The following CUL1 variants were observed in gnomAD, a reference collection of about 807,000 sequenced individuals.
The protein encoded by CUL1 is cullin-1.
A neutral mutation model predicts 118.0 loss-of-function variants in CUL1; 24 were observed. That is an observed-to-expected ratio of 0.20 (90% CI 0.15 to 0.29). The LOEUF is 0.29. Among genes scored for constraint, CUL1 ranks in the 10% least tolerant of loss-of-function variants. CUL1 has a pLI of 1.00. For missense variants in CUL1, 361 were observed against 933.8 expected (o/e 0.39, Z 7.99); for synonymous variants, 332 against 340.4 (o/e 0.98, Z 0.27).
upstream of CUL1, chr7:148,698,306 G>A (rs1797586647): frequency 1.3e-5 from 2 of 152,584 alleles, no homozygotes; most frequent in Non-Finnish European, 2.9e-5. Context: ...GTGCGCACAA[G>A]GGAGGGGCAG....
In CUL1 at chr7:148,759,369, G is replaced by A; in HGVS notation, c.534+15G>A. The stretch of plus-strand genomic sequence containing the variant: ...TGAATAAACAGGTACCTACTGGTGT[G>A]AGCGTGTGCATGTTCCTTTTAAAAT... On this transcript the variant is annotated intron_variant, in intron 5 of 21. Coordinates refer to ENST00000325222, the MANE Select transcript of CUL1 (RefSeq NM_003592.3). 4 of 1,613,516 alleles carry A rather than the reference G, an allele frequency of 2.5e-6. No individual in the cohort carries two copies. Among genetic ancestry groups the A allele is most frequent in the Non-Finnish European group, 3.4e-6 (4 of 1,179,546 alleles).
chr7:148,756,930 A>G (rs1799678470), intron 3 of CUL1, 53 bp from the exon 4 acceptor site: 1 of 1,298,270 alleles, frequency 7.7e-7, no homozygotes, highest in Non-Finnish European at 1.0e-6. Context: ...GTTATTTTTA[A>G]TTTATAATGT....
chr7:148,703,349 T>C (rs1004288730), intron 1 of CUL1, among the ~76,000 whole-genome samples: 4 of 152,174 alleles, frequency 2.6e-5, no homozygotes, highest in Admixed American at 1.3e-4. Context: ...TTGGGTGTGA[T>C]GTTATGACTC....
upstream of CUL1, chr7:148,698,280 C>T (rs1414071951): frequency 6.6e-6 from 1 of 152,218 alleles, no homozygotes; most frequent in Non-Finnish European, 1.5e-5. Flanking sequence ...AGGTTCCAGG[C>T]AAGCTGGGGG....
intron 2 of CUL1, among the ~76,000 whole-genome samples, chr7:148,746,846 G>T (rs1432642200): frequency 2.0e-5 from 3 of 152,194 alleles, no homozygotes. Flanking sequence ...TAGCTGAAAT[G>T]TGATAAATAT....
intron 1 of CUL1, among the ~76,000 whole-genome samples, chr7:148,705,944 A>G (rs1797866850): frequency 6.6e-6 from 1 of 152,202 alleles, no homozygotes; most frequent in East Asian, 1.9e-4. Context: ...GTCTAGGTTG[A>G]GCATCCCTAA....
Position 148,730,106 on chromosome 7 carries a change from T to C in CUL1, c.-17T>C. 1 of 1,610,842 alleles carries C rather than the reference T, an allele frequency of 6.2e-7. No individual in the cohort carries two copies. Among genetic ancestry groups the C allele is most frequent in the Non-Finnish European group, 8.5e-7 (1 of 1,178,674 alleles). ...ATAAGGATTGCTGCACTGGACGACT[T>C]TAGAACATCCCTCACAATGTCGTCA... On this transcript the variant is annotated 5_prime_UTR_variant, in exon 2 of 22. Coordinates refer to ENST00000325222, the MANE Select transcript of CUL1 (RefSeq NM_003592.3).
intron 1 of CUL1, among the ~76,000 whole-genome samples, chr7:148,701,083 T>G (rs1268579104): frequency 6.6e-6 from 1 of 152,160 alleles, no homozygotes; most frequent in Non-Finnish European, 1.5e-5. Context: ...GCAGGAGATA[T>G]TCCTTATTTG....
At chr7:148,726,996 A>C (rs1470299477) in intron 1 of CUL1, among the ~76,000 whole-genome samples, 1 of 152,110 alleles carries the variant, frequency 6.6e-6, no homozygotes, top group African/African-American at 2.4e-5. Flanking sequence ...TGGGCAACAG[A>C]GTGATACCCT....
chr7:148,764,185 G>C (rs770485580), intron 7 of CUL1, among the ~76,000 whole-genome samples: 1 of 152,040 alleles, frequency 6.6e-6, no homozygotes, highest in Non-Finnish European at 1.5e-5. Flanking sequence ...ACTGAGAACC[G>C]ATCCTAGTGA....
intron 9 of CUL1, among the ~76,000 whole-genome samples, chr7:148,777,201 T>G (rs556408338): frequency 6.6e-6 from 1 of 152,210 alleles, no homozygotes; most frequent in Non-Finnish European, 1.5e-5. Context: ...CACACAGTTA[T>G]GGTGCTGGGA....
At chr7:148,782,875 G>T (rs1217983397) in intron 9 of CUL1, among the ~76,000 whole-genome samples, 1 of 152,154 alleles carries the variant, frequency 6.6e-6, no homozygotes, top group Non-Finnish European at 1.5e-5. Flanking sequence ...TTGGCTGGGG[G>T]TGACCCGGAG....
At chr7:148,775,916 A>G (rs983602717) in intron 9 of CUL1, among the ~76,000 whole-genome samples, 11 of 152,002 alleles carry the variant, frequency 7.2e-5, no homozygotes, top group Non-Finnish European at 1.5e-4. Context: ...AAGTACCTTG[A>G]AGATGGTATC....
At chr7:148,767,513 G>T in intron 8 of CUL1, 106 bp from the exon 9 acceptor site, 1 of 977,928 alleles carries the variant, frequency 1.0e-6, no homozygotes, top group East Asian at 2.5e-5. Context: ...CTAAAAACAT[G>T]GTTATCTTTT....
Position 148,798,681 on chromosome 7 carries a change from A to T in CUL1, c.2136+4A>T. On this transcript the variant is annotated splice_donor_region_variant and intron_variant, in intron 20 of 21. Transcript: ENST00000325222. ...AGACCGCAAACTACTGATTCAGGTG[A>T]CTTATCTGTATGCCTGTGCCAGGTG... The T allele has an allele frequency of 6.2e-7, 1 of 1,610,706 alleles. No individual in the cohort carries two copies. Among genetic ancestry groups the T allele is most frequent in the African/African-American group, 1.3e-5 (1 of 74,950 alleles).
At position 148,756,367 on chromosome 7, in the gene CUL1, G is replaced by A. The variant is rs138176887; in HGVS notation, c.316-616G>A. Among the ~76,000 whole-genome samples, 390 of 152,038 alleles carry A rather than the reference G, an allele frequency of 2.6e-3. 1 individual carries two copies. Among genetic ancestry groups the A allele is most frequent in the African/African-American group, 9.1e-3 (378 of 41,486 alleles). ...TTGGGAAGGGGTGCGGCGGAGTCTT[G>A]CTCTGTCGCCCAGGCTAGAGTGCAG... On this transcript the variant is annotated intron_variant, in intron 3 of 21. Transcript: ENST00000325222.
intron 17 of CUL1, among the ~76,000 whole-genome samples, chr7:148,795,826 T>G (rs536917021): frequency 9.2e-4 from 140 of 151,822 alleles, no homozygotes; most frequent in Non-Finnish European, 1.6e-3. Flanking sequence ...CTGTTTCCTA[T>G]AACATTGCTA....
At chr7:148,751,835 C>T (rs1474691024) in intron 2 of CUL1, among the ~76,000 whole-genome samples, 1 of 152,118 alleles carries the variant, frequency 6.6e-6, no homozygotes, top group Non-Finnish European at 1.5e-5. Flanking sequence ...TAGAACATGG[C>T]CAGACGCGGT....
rs1800865790 is a variant in CUL1, at chr7:148,787,742, T to C, written c.1479+622T>C. On this transcript the variant is annotated intron_variant, in intron 13 of 21. Transcript: ENST00000325222. This position sits in a 1 kb window ranked among gnomAD's most constrained non-coding sequence, Gnocchi z 5.5. ...GCACATTCACACTTCCACACTGTGC[T>C]GGCCTGGAGCTGAGTGGAGGTTTTG... 6.6e-6 allele frequency among the ~76,000 whole-genome samples: 1 copy of C among 152,222 alleles called. No homozygotes were observed. The highest frequency in any genetic ancestry group is 2.1e-4 in the South Asian group (1 of 4,828).
Sources: allele counts gnomAD v4.1 joint callset (sites outside exome capture counted in the v4.1 genomes callset), GRCh38; gene constraint gnomAD v4.1.1; non-coding constraint Gnocchi (gnomAD v3.1); transcripts MANE v1.5; gene names NCBI Gene and HGNC (gene_info 2026-07-23, HGNC 2026-07-21).